Variants in NELL1 observed in about 807,000 individuals in gnomAD.
NELL1 encodes protein kinase C-binding protein NELL1.
NELL1 carries 76 observed loss-of-function variants against 107.4 expected under a neutral mutation model. That is an observed-to-expected ratio of 0.71 (90% CI 0.59 to 0.86). The LOEUF (loss-of-function observed/expected upper bound fraction) is 0.86. Ranked by LOEUF, NELL1 falls within the 40% of genes least tolerant of loss-of-function variation. The pLI is 0.00. For synonymous variants in NELL1, 353 were observed against 341.2 expected, an observed-to-expected ratio of 1.03 and a Z score of -0.38; for missense variants, 1,024 against 1,005.5, an observed-to-expected ratio of 1.02 and a Z score of -0.25.
At chr11:21,281,609 C>A (rs1284713964) in intron 14 of NELL1, among the ~76,000 whole-genome samples, 2 of 152,096 alleles carry the variant, frequency 1.3e-5, no homozygotes, top group African/African-American at 4.8e-5. Flanking sequence ...AGGCCCAGTG[C>A]TTTGATGGCT....
At chr11:21,160,583 C>T (rs1424451829) in intron 13 of NELL1, among the ~76,000 whole-genome samples, 3 of 152,144 alleles carry the variant, frequency 2.0e-5, no homozygotes, top group African/African-American at 2.4e-5. Flanking sequence ...CTACAACTGG[C>T]GCTTATATCT....
chr11:21,003,130 A>G (rs1458242333), intron 12 of NELL1, among the ~76,000 whole-genome samples: 1 of 152,196 alleles, frequency 6.6e-6, no homozygotes, highest in African/African-American at 2.4e-5. Context: ...CCTATGTTCC[A>G]GGATCTGTGC....
rs7482027 is a variant in NELL1 at position 21,105,429 on chromosome 11, A to C, written c.1301-8160A>C. 3.9e-5 allele frequency among the ~76,000 whole-genome samples: 6 copies of C among 151,992 alleles called. No homozygotes were observed. The East Asian group carries it at 9.7e-4, about 25-fold the overall frequency. On this transcript the variant is annotated intron_variant, in intron 12 of 19. Coordinates refer to ENST00000357134, the MANE Select transcript of NELL1 (RefSeq NM_006157.5). Reference sequence around the variant, plus strand: ...CACACTCAAGGAAGCTGGCCACCCCACCTTAATCTTTTATTATGCAAATAG... The same window carrying C: ...CACACTCAAGGAAGCTGGCCACCCCCCCTTAATCTTTTATTATGCAAATAG...
chr11:20,810,373 C>T (rs140539535), intron 3 of NELL1, among the ~76,000 whole-genome samples: 256 of 152,278 alleles, frequency 1.7e-3, no homozygotes, highest in African/African-American at 5.7e-3. Flanking sequence ...CTCACCCCCT[C>T]TCACTCGTCT....
intron 2 of NELL1, among the ~76,000 whole-genome samples, chr11:20,716,963 T>G (rs1178295144): frequency 1.3e-5 from 2 of 152,248 alleles, no homozygotes; most frequent in East Asian, 3.8e-4. Flanking sequence ...ATTTTTCTTT[T>G]GAACACATTT....
chr11:21,450,872 A>G (rs924715573), intron 15 of NELL1, among the ~76,000 whole-genome samples: 11 of 152,080 alleles, frequency 7.2e-5, no homozygotes, highest in Non-Finnish European at 1.3e-4. Flanking sequence ...TTTATTAAAT[A>G]ACTGCACATA....
intron 12 of NELL1, among the ~76,000 whole-genome samples, chr11:21,107,253 A>G (rs779521067): frequency 6.6e-6 from 1 of 152,178 alleles, no homozygotes; most frequent in Admixed American, 6.5e-5. Flanking sequence ...TTACAGTATC[A>G]TAAAGAGTAT....
intron 12 of NELL1, among the ~76,000 whole-genome samples, chr11:21,110,270 A>G (rs1423998519): frequency 2.0e-5 from 3 of 152,152 alleles, no homozygotes; most frequent in African/African-American, 7.2e-5. Flanking sequence ...CTGAAAACCT[A>G]CTCAAAAACA....
chr11:21,241,973 T>C (rs1279435086), intron 14 of NELL1, among the ~76,000 whole-genome samples: 2 of 151,636 alleles, frequency 1.3e-5, no homozygotes, highest in Non-Finnish European at 2.9e-5. Context: ...ACATGTGTGT[T>C]ACACCTTGTC....
chr11:21,114,635 T>G (rs1173115251), intron 13 of NELL1, among the ~76,000 whole-genome samples: 1 of 152,016 alleles, frequency 6.6e-6, no homozygotes, highest in East Asian at 1.9e-4. Flanking sequence ...TCCAAATTTC[T>G]TTGCCAGTGA....
At chr11:20,828,772 C>A (rs1857939618) in intron 3 of NELL1, among the ~76,000 whole-genome samples, 1 of 152,042 alleles carries the variant, frequency 6.6e-6, no homozygotes, top group Non-Finnish European at 1.5e-5. Context: ...TCTATCTGTT[C>A]TTAAGTTTTC....
intron 12 of NELL1, among the ~76,000 whole-genome samples, chr11:21,033,641 C>T (rs1404219755): frequency 2.6e-5 from 4 of 151,932 alleles, no homozygotes; most frequent in East Asian, 1.9e-4. Context: ...AGTCTACCAT[C>T]GATGGGCATT....
chr11:20,914,686 G>A (rs1850206757), intron 5 of NELL1, among the ~76,000 whole-genome samples: 1 of 152,058 alleles, frequency 6.6e-6, no homozygotes, highest in South Asian at 2.1e-4. Context: ...CATTCAGATG[G>A]TTGGGGGCTT....
intron 3 of NELL1, among the ~76,000 whole-genome samples, chr11:20,808,728 AC>A (rs1424168305): frequency 1.3e-5 from 2 of 152,210 alleles, no homozygotes; most frequent in African/African-American, 4.8e-5. Flanking sequence ...CTAGAGCTTG[AC>A]TAAATGCTCT....
At position 20,915,699 on chromosome 11, in the gene NELL1, T is replaced by TTA. The variant is rs1242467428; in HGVS notation, c.604-2483_604-2482insTA. 2.5e-4 allele frequency among the ~76,000 whole-genome samples: 5 copies of TTA among 20,388 alleles called. No individual in the cohort carries two copies. In the East Asian group the frequency reaches 0.013, roughly 52 times the overall value. 13.4% of individuals were successfully genotyped at this position (20,388 alleles called of 152,430 possible). On this transcript the variant is annotated intron_variant, in intron 5 of 19. Coordinates refer to ENST00000357134, the MANE Select transcript of NELL1 (RefSeq NM_006157.5). ...TTTCATCTGTGGAAATCCTCATAGA[T>TTA]GATATATATATATATATATTTTTTT...
chr11:21,503,290 G>A (rs1855193080), intron 15 of NELL1, among the ~76,000 whole-genome samples: 1 of 152,214 alleles, frequency 6.6e-6, no homozygotes, highest in South Asian at 2.1e-4. Flanking sequence ...AAGAAGTTCA[G>A]TGTTATGCTA....
intron 3 of NELL1, among the ~76,000 whole-genome samples, chr11:20,794,783 C>G (rs1285937621): frequency 2.0e-5 from 3 of 152,112 alleles, no homozygotes; most frequent in African/African-American, 7.2e-5. Flanking sequence ...TCATCCCACA[C>G]ACCACCCCCA....
chr11:21,435,794 G>T (rs202059794), intron 15 of NELL1, among the ~76,000 whole-genome samples: 2 of 146,328 alleles, frequency 1.4e-5, no homozygotes, highest in South Asian at 4.2e-4. Flanking sequence ...GTGTGTGTGT[G>T]TTTGTGTGTG....
chr11:20,926,578 CT>C (rs1253099878), intron 7 of NELL1, among the ~76,000 whole-genome samples: 1 of 152,126 alleles, frequency 6.6e-6, no homozygotes, highest in African/African-American at 2.4e-5. Flanking sequence ...TAGATAATCA[CT>C]TGAGGTTTCT....
Sources: gnomAD v4.1 joint callset for allele counts (sites outside exome capture counted in the v4.1 genomes callset) on GRCh38, gnomAD v4.1.1 for gene constraint, MANE v1.5 for transcripts, NCBI Gene and HGNC (gene_info 2026-07-23, HGNC 2026-07-21) for gene names.